Variants in DAG1 observed in about 807,000 individuals in gnomAD.
The protein encoded by DAG1 is dystroglycan 1, also known as dystroglycan 1 (dystrophin-associated glycoprotein 1).
Under a neutral mutation model 46.1 loss-of-function variants are expected in DAG1, and 8 were observed. That is an observed-to-expected ratio of 0.17 (90% CI 0.10 to 0.31). DAG1 has a LOEUF of 0.31. Among genes scored for constraint, DAG1 ranks in the 10% least tolerant of loss-of-function variants. The pLI, the probability that DAG1 is intolerant of heterozygous loss-of-function variation, is 1.00. For missense variants in DAG1, 1,003 were observed against 1,189.9 expected, an observed-to-expected ratio of 0.84 and a Z score of 2.31; for synonymous variants, 495 against 481.8, an observed-to-expected ratio of 1.03 and a Z score of -0.36.
At chr3:49,524,147 C>T (rs998825626) in intron 2 of DAG1, among the ~76,000 whole-genome samples, 2 of 152,128 alleles carry the variant, frequency 1.3e-5, no homozygotes, top group African/African-American at 4.8e-5. Context: ...GTGCTTTATC[C>T]CCTAGCACCT....
chr3:49,484,281 A>T (rs1010703542), intron 1 of DAG1, among the ~76,000 whole-genome samples: 2 of 152,080 alleles, frequency 1.3e-5, no homozygotes, highest in Non-Finnish European at 2.9e-5. Context: ...AAGTGACCAG[A>T]TTCTTTCATG....
chr3:49,491,247 T>G (rs574379018), intron 1 of DAG1, among the ~76,000 whole-genome samples: 1 of 151,664 alleles, frequency 6.6e-6, no homozygotes, highest in South Asian at 2.1e-4. Flanking sequence ...TGGGTTTAAG[T>G]GATCCTCCTG....
At chr3:49,500,000 A>C (rs1044784206) in intron 1 of DAG1, among the ~76,000 whole-genome samples, 2 of 149,188 alleles carry the variant, frequency 1.3e-5, no homozygotes, top group Admixed American at 6.7e-5. Context: ...TTTGAGACAG[A>C]ATCTTGCTCT....
At chr3:49,481,886 G>A (rs762496230) in intron 1 of DAG1, among the ~76,000 whole-genome samples, 8 of 152,224 alleles carry the variant, frequency 5.3e-5, no homozygotes, top group Admixed American at 1.3e-4. Context: ...GTATCTATAG[G>A]TTCCACATCT....
chr3:49,524,015 C>T (rs931024490), intron 2 of DAG1, among the ~76,000 whole-genome samples: 3 of 152,210 alleles, frequency 2.0e-5, no homozygotes, highest in African/African-American at 4.8e-5. Context: ...CTTTCATATC[C>T]TGTTTCACCC....
In DAG1 at chr3:49,531,571, A is replaced by G. The variant is rs1462658521; in HGVS notation, c.1060A>G (p.Met354Val). Residue 354 changes from methionine (M) to valine (V), a missense_variant, in exon 3 of 3, where the codon ATG (methionine) becomes GTG (valine). By Grantham distance (21) the Met-to-Val change is conservative (BLOSUM62 1). Transcript: ENST00000308775. The surrounding 1 kb of genome is among the most constrained non-coding windows in gnomAD (Gnocchi z 7.0). ...AGCCATTGCTCCTCCAACAGAGACCATGGCTCCTCCAGTCAGGGATCCTGT... is the reference window on the plus strand; with the variant it reads ...AGCCATTGCTCCTCCAACAGAGACCGTGGCTCCTCCAGTCAGGGATCCTGT... ...SPAIAPPTET[M>V]APPVRDPVPG... 5 of 1,611,926 alleles carry G rather than the reference A, an allele frequency of 3.1e-6. No homozygotes were observed. Among genetic ancestry groups the G allele is most frequent in the African/African-American group, 2.7e-5 (2 of 74,786 alleles).
chr3:49,510,882 C>G, intron 2 of DAG1, 63 bp downstream of exon 2: 1 of 1,585,604 alleles, frequency 6.3e-7, no homozygotes, highest in Non-Finnish European at 8.6e-7. Flanking sequence ...GTTTTGGTGG[C>G]TTTTCCTTTT....
At chr3:49,519,618 A>G (rs3870338) in intron 2 of DAG1, among the ~76,000 whole-genome samples, 66,688 of 152,072 alleles carry the variant, frequency 0.44, 15,936 homozygotes, top group East Asian at 0.93. Context: ...CTTGTGAACA[A>G]AGCACACCGG....
chr3:49,530,733 T>C, intron 2 of DAG1, 64 bp from the exon 3 acceptor site: 1 of 1,610,990 alleles, frequency 6.2e-7, no homozygotes, highest in South Asian at 1.1e-5. Context: ...GGTTAACTGT[T>C]GTGATCATAT....
At chr3:49,485,209 T>C (rs182908111) in intron 1 of DAG1, among the ~76,000 whole-genome samples, 4 of 152,090 alleles carry the variant, frequency 2.6e-5, no homozygotes, top group Non-Finnish European at 4.4e-5. Flanking sequence ...TCTCCTGACC[T>C]CGTGATCTGC....
chr3:49,517,030 G>T (rs1382181808), intron 2 of DAG1, among the ~76,000 whole-genome samples: 1 of 128,134 alleles, frequency 7.8e-6, no homozygotes, highest in Non-Finnish European at 1.6e-5. Flanking sequence ...GTCTCGCTCT[G>T]TCGCCCAGGC....
chr3:49,471,059 C>T (rs1478946583), intron 1 of DAG1: 2 of 152,210 alleles, frequency 1.3e-5, no homozygotes, highest in Non-Finnish European at 2.9e-5. Flanking sequence ...AGTTAGTTTC[C>T]TACAAACTCA....
intron 1 of DAG1, among the ~76,000 whole-genome samples, chr3:49,487,847 C>T (rs571145102): frequency 6.6e-6 from 1 of 151,938 alleles, no homozygotes; most frequent in Admixed American, 6.6e-5. Context: ...CTACAACAGG[C>T]TCCCGCCACC....
At position 49,507,670 on chromosome 3, in the gene DAG1, C is replaced by A. The variant is rs1254882611; in HGVS notation, c.-116-2749C>A. Among the ~76,000 whole-genome samples, 5 of 100,240 alleles carry A rather than the reference C, an allele frequency of 5.0e-5. No individual in the cohort carries two copies. The South Asian group carries it at 9.4e-4, about 19-fold the overall frequency. The allele number at this position is 100,240 out of a possible 152,430, so 65.8% of individuals were successfully genotyped here. The stretch of plus-strand genomic sequence containing the variant: ...TTCTTTTTCTTTTCCTTTCCTTTAT[C>A]TTTTCCTTTTCTTTTGAGACAGTCT... On this transcript the variant is annotated intron_variant, in intron 1 of 2. Coordinates refer to ENST00000308775, the MANE Select transcript of DAG1 (RefSeq NM_004393.6).
chr3:49,497,447 A>T (rs76720796), intron 1 of DAG1, among the ~76,000 whole-genome samples: 1 of 50,188 alleles, frequency 2.0e-5, no homozygotes, highest in Admixed American at 3.4e-4. Context: ...AAAAAAAAAA[A>T]AAAAAAAAAT....
At chr3:49,496,790 C>A (rs1454687883) in intron 1 of DAG1, among the ~76,000 whole-genome samples, 1 of 151,736 alleles carries the variant, frequency 6.6e-6, no homozygotes, top group African/African-American at 2.4e-5. Context: ...CAACACCCAG[C>A]TAATTTTTGT....
At chr3:49,501,872 CTA>C (rs1446381158) in intron 1 of DAG1, among the ~76,000 whole-genome samples, 1 of 151,462 alleles carries the variant, frequency 6.6e-6, no homozygotes, top group Admixed American at 6.6e-5. Context: ...AAAGAAAACA[CTA>C]TGCAACAGTA....
chr3:49,515,237 T>G (rs2050865985), intron 2 of DAG1, among the ~76,000 whole-genome samples: 2 of 151,750 alleles, frequency 1.3e-5, no homozygotes, highest in Admixed American at 1.3e-4. Flanking sequence ...CCCAACGTGC[T>G]GGGATTACAG....
At chr3:49,529,796 G>T (rs1041343601) in intron 2 of DAG1, among the ~76,000 whole-genome samples, 1 of 152,202 alleles carries the variant, frequency 6.6e-6, no homozygotes, top group African/African-American at 2.4e-5. Context: ...TGGGGCTGGG[G>T]CAAGAGCTAA....
Sources: allele counts gnomAD v4.1 joint callset (sites outside exome capture counted in the v4.1 genomes callset), GRCh38; gene constraint gnomAD v4.1.1; non-coding constraint Gnocchi (gnomAD v3.1); transcripts MANE v1.5; gene names NCBI Gene and HGNC (gene_info 2026-07-23, HGNC 2026-07-21).